The following MAMDC2 variants were observed in gnomAD, a reference collection of about 807,000 sequenced individuals.
MAMDC2 encodes the protein MAM domain-containing protein 2.
In MAMDC2, 57 loss-of-function variants were observed where a neutral mutation model predicts 89.8. That is an observed-to-expected ratio of 0.63 (90% CI 0.51 to 0.79). The LOEUF (loss-of-function observed/expected upper bound fraction) is 0.79. MAMDC2 is among the 30% of genes least tolerant of loss of function. MAMDC2 has a pLI of 0.00. For missense variants in MAMDC2, 800 were observed against 820.6 expected (o/e 0.97, Z 0.31); for synonymous variants, 313 against 293.4 (o/e 1.07, Z -0.68).
chr9:70,164,514 C>A (rs2032100333), intron 9 of MAMDC2, among the ~76,000 whole-genome samples: 1 of 152,164 alleles, frequency 6.6e-6, no homozygotes, highest in Admixed American at 6.5e-5. Flanking sequence ...GGACTGGGAT[C>A]TTGAGTACAT....
chr9:70,146,998 G>C (rs1385724876), intron 9 of MAMDC2, among the ~76,000 whole-genome samples: 1 of 149,342 alleles, frequency 6.7e-6, no homozygotes, highest in Admixed American at 6.7e-5. Context: ...GCTCACGCCT[G>C]TAATCCTAGC....
rs147581308 is a variant in MAMDC2 at position 70,108,300 on chromosome 9, T to C, written c.238T>C (p.Cys80Arg). Residue 80 changes from cysteine to arginine, a missense_variant, in exon 3 of 14, where the codon TGC becomes CGC. Coordinates refer to ENST00000377182, the MANE Select transcript of MAMDC2 (RefSeq NM_153267.5). The stretch of plus-strand genomic sequence containing the variant: ...TGACTTACAGGCTGAGGAATGGAGC[T>C]GCCTCCGTTTGGTCTACCAGATAAC... ...SPDLQAEEWS[C>R]LRLVYQITTS... The C allele has an allele frequency of 3.1e-6, 5 of 1,614,000 alleles. No individual in the cohort carries two copies. The highest frequency in any genetic ancestry group is 1.7e-5 in the Admixed American group (1 of 60,004).
chr9:70,055,243 G>A (rs1487480804), intron 2 of MAMDC2, among the ~76,000 whole-genome samples: 1 of 152,174 alleles, frequency 6.6e-6, no homozygotes, highest in East Asian at 1.9e-4. Flanking sequence ...TGATCTATAG[G>A]TAGCATTTAA....
intron 11 of MAMDC2, among the ~76,000 whole-genome samples, chr9:70,211,175 T>G (rs1193157021): frequency 6.6e-6 from 1 of 152,256 alleles, no homozygotes; most frequent in East Asian, 1.9e-4. Context: ...TTGGCTTGCC[T>G]TGGTAGGTTG....
At chr9:70,147,702 A>G (rs1392111066) in intron 9 of MAMDC2, among the ~76,000 whole-genome samples, 1 of 150,170 alleles carries the variant, frequency 6.7e-6, no homozygotes, top group Non-Finnish European at 1.5e-5. Flanking sequence ...TCACATTGTT[A>G]TGGCGTAGAA....
chr9:70,044,320 G>A (rs1410206641), intron 1 of MAMDC2, 89 bp downstream of exon 1: 8 of 1,434,604 alleles, frequency 5.6e-6, no homozygotes, highest in Non-Finnish European at 6.7e-6. Context: ...TCACCGTGCT[G>A]GGCTGGGCCA....
At chr9:70,204,242 T>C (rs1210499590) in intron 11 of MAMDC2, among the ~76,000 whole-genome samples, 1 of 149,512 alleles carries the variant, frequency 6.7e-6, no homozygotes, top group Non-Finnish European at 1.5e-5. Context: ...TCGGTGTGGA[T>C]GTCCTTTCTG....
chr9:70,143,031 A>G (rs2031279323), intron 8 of MAMDC2, among the ~76,000 whole-genome samples: 1 of 152,130 alleles, frequency 6.6e-6, no homozygotes, highest in African/African-American at 2.4e-5. Flanking sequence ...CCTGCTCTTC[A>G]AGGGCAGGTT....
At chr9:70,180,448 C>CACAATGGTTGA (rs1293256887) in intron 11 of MAMDC2, among the ~76,000 whole-genome samples, 21 of 152,162 alleles carry the variant, frequency 1.4e-4, no homozygotes, top group African/African-American at 5.1e-4. Flanking sequence ...CACTGTCTCC[C>CACAATGGTTGA]ACAATGGTTG....
At chr9:70,143,452 C>A in intron 8 of MAMDC2, 102 bp from the exon 9 acceptor site, 1 of 1,291,848 alleles carries the variant, frequency 7.7e-7, no homozygotes, top group Non-Finnish European at 1.1e-6. Flanking sequence ...TAAAGCATAG[C>A]TGATAGTCTT....
chr9:70,209,599 G>A (rs901633750), intron 11 of MAMDC2, among the ~76,000 whole-genome samples: 4 of 55,834 alleles, frequency 7.2e-5, no homozygotes, highest in South Asian at 9.1e-4. Flanking sequence ...TGGATTCACT[G>A]ATTTTTTTGA....
intron 9 of MAMDC2, among the ~76,000 whole-genome samples, chr9:70,164,172 T>G (rs1311744761): frequency 6.6e-6 from 1 of 152,092 alleles, no homozygotes; most frequent in Admixed American, 6.6e-5. Context: ...ATCTAATGAG[T>G]AGAGGTTACA....
intron 9 of MAMDC2, among the ~76,000 whole-genome samples, chr9:70,159,813 G>C (rs979628536): frequency 6.6e-6 from 1 of 152,178 alleles, no homozygotes; most frequent in African/African-American, 2.4e-5. Context: ...GTTTGACCAG[G>C]AGAACTCCCT....
At chr9:70,078,456 T>C (rs146781523) in intron 2 of MAMDC2, among the ~76,000 whole-genome samples, 1 of 152,292 alleles carries the variant, frequency 6.6e-6, no homozygotes, top group East Asian at 1.9e-4. Context: ...ACCTTGGGTA[T>C]GAGCTCCATT....
At chr9:70,075,882 T>A (rs946545691) in intron 2 of MAMDC2, among the ~76,000 whole-genome samples, 3 of 152,224 alleles carry the variant, frequency 2.0e-5, no homozygotes, top group Non-Finnish European at 4.4e-5. Flanking sequence ...AGGCAATCAC[T>A]AAGTACTGAT....
At chr9:70,049,882 G>A (rs1826853084) in intron 2 of MAMDC2, among the ~76,000 whole-genome samples, 1 of 152,162 alleles carries the variant, frequency 6.6e-6, no homozygotes, top group Admixed American at 6.5e-5. Flanking sequence ...AGATCCTAGA[G>A]CTGGGCCTTG....
At chr9:70,196,298 A>C (rs1209274113) in intron 11 of MAMDC2, among the ~76,000 whole-genome samples, 1 of 152,108 alleles carries the variant, frequency 6.6e-6, no homozygotes, top group Non-Finnish European at 1.5e-5. Flanking sequence ...CACTGTGAAG[A>C]AGGAAAAAGA....
At chr9:70,060,864 T>C (rs184726028) in intron 2 of MAMDC2, among the ~76,000 whole-genome samples, 17 of 152,312 alleles carry the variant, frequency 1.1e-4, no homozygotes, top group Non-Finnish European at 2.1e-4. Flanking sequence ...AAGCCACTGA[T>C]ACCTGGAACC....
At chr9:70,152,387 T>C (rs2031612567) in intron 9 of MAMDC2, among the ~76,000 whole-genome samples, 1 of 152,038 alleles carries the variant, frequency 6.6e-6, no homozygotes, top group Non-Finnish European at 1.5e-5. Flanking sequence ...TTGAACACTC[T>C]CCAGCACTTC....
Sources: allele counts gnomAD v4.1 joint callset (sites outside exome capture counted in the v4.1 genomes callset), GRCh38; gene constraint gnomAD v4.1.1; transcripts MANE v1.5; gene names NCBI Gene and HGNC (gene_info 2026-07-23, HGNC 2026-07-21).